Variants in SPINK5 observed in about 807,000 individuals in gnomAD.
SPINK5 encodes the protein serine protease inhibitor Kazal-type 5.
In SPINK5, 125 loss-of-function variants were observed where a neutral mutation model predicts 151.8. The ratio of observed to expected loss-of-function variants is 0.82; its 90% CI spans 0.71 to 0.96. The LOEUF (loss-of-function observed/expected upper bound fraction) is 0.96. Among genes scored for constraint, SPINK5 ranks in the 40% least tolerant of loss-of-function variants. The pLI is 0.00. For synonymous variants in SPINK5, 374 were observed against 395.3 expected (o/e 0.95, Z 0.64); for missense variants, 1,194 against 1,291.9 (o/e 0.92, Z 1.16).
intron 2 of SPINK5, among the ~76,000 whole-genome samples, chr5:148,067,038 C>T (rs967593013): frequency 2.6e-5 from 4 of 152,124 alleles, no homozygotes; most frequent in African/African-American, 7.2e-5. Context: ...TTCCTTTCAG[C>T]ATGATAAAAG....
chr5:148,089,166 A>G (rs867921228), intron 6 of SPINK5: 1 of 473,426 alleles, frequency 2.1e-6, no homozygotes. Context: ...GGTGACTTGC[A>G]CCAAGTCATT....
intron 20 of SPINK5, among the ~76,000 whole-genome samples, chr5:148,113,927 G>A (rs979226484): frequency 2.0e-5 from 3 of 152,128 alleles, no homozygotes; most frequent in African/African-American, 7.2e-5. Flanking sequence ...TTTAAGCAGA[G>A]CTAGGAGAAA....
chr5:148,134,109 C>T, intron 32 of SPINK5: 1 of 598,188 alleles, frequency 1.7e-6, no homozygotes, highest in East Asian at 3.2e-5. Flanking sequence ...TTTAATGGGT[C>T]CATTAATAGA....
intron 31 of SPINK5, among the ~76,000 whole-genome samples, chr5:148,131,908 G>A (rs562230785): frequency 6.6e-6 from 1 of 152,224 alleles, no homozygotes. Flanking sequence ...TAGCTGATCT[G>A]ATGTCTGCTC....
chr5:148,102,913 T>C (rs1418976193), intron 15 of SPINK5, among the ~76,000 whole-genome samples: 1 of 152,024 alleles, frequency 6.6e-6, no homozygotes, highest in Non-Finnish European at 1.5e-5. Context: ...GTGCCTAAAA[T>C]AGGTCTTTAG....
intron 4 of SPINK5, among the ~76,000 whole-genome samples, chr5:148,081,139 G>A (rs1753008493): frequency 6.6e-6 from 1 of 151,594 alleles, no homozygotes; most frequent in Non-Finnish European, 1.5e-5. Context: ...TAAGGGTGTG[G>A]AGAAACTGGA....
At position 148,107,043 on chromosome 5, in the gene SPINK5, T is replaced by G; in HGVS notation, c.1486T>G (p.Cys496Gly). The part of the protein sequence containing the change: ...KAKREAAKEI[C>G]SEFRDQVRNG... ...TATTTTCTTCATTTCCCAGGAAATCTGCAGTGAATTTCGGGACCAAGTGAG... is the reference window on the plus strand; with the variant it reads ...TATTTTCTTCATTTCCCAGGAAATCGGCAGTGAATTTCGGGACCAAGTGAG... Residue 496 changes from cysteine to glycine, a missense_variant, in exon 17 of 33, where the codon TGC becomes GGC. Coordinates refer to ENST00000256084, the MANE Select transcript of SPINK5 (RefSeq NM_006846.4). 6.2e-7 allele frequency: 1 copy of G among 1,612,618 alleles called. No homozygotes were observed. Among genetic ancestry groups the G allele is most frequent in the Non-Finnish European group, 8.5e-7 (1 of 1,179,056 alleles).
At chr5:148,103,724 AT>A (rs200840468) in intron 15 of SPINK5, among the ~76,000 whole-genome samples, 1 of 151,924 alleles carries the variant, frequency 6.6e-6, no homozygotes, top group Admixed American at 6.6e-5. Flanking sequence ...AAGGTGATTG[AT>A]TTTTTTTGAG....
intron 21 of SPINK5, among the ~76,000 whole-genome samples, chr5:148,115,896 A>G (rs1029924895): frequency 2.7e-5 from 4 of 147,886 alleles, no homozygotes; most frequent in African/African-American, 1.0e-4. Flanking sequence ...ATCTCAGCTC[A>G]CTGTAACTTC....
At chr5:148,098,619 A>C (rs898611775) in intron 11 of SPINK5, among the ~76,000 whole-genome samples, 1 of 152,034 alleles carries the variant, frequency 6.6e-6, no homozygotes, top group Admixed American at 6.6e-5. Flanking sequence ...CATTGTACAA[A>C]GCAAATTTAG....
rs1040455477 is a variant in SPINK5, at chr5:148,078,289, C to CA, written c.282+6075dup. ...TAATAGAGGCTCCAAATTTATATAACAAAAAATGCTATAATTAAAAGAAAT... is the reference window on the plus strand; with the variant it reads ...TAATAGAGGCTCCAAATTTATATAACAAAAAAATGCTATAATTAAAAGAAAT... On this transcript the variant is annotated intron_variant, in intron 4 of 32. Transcript: ENST00000256084. 5.6e-3 allele frequency among the ~76,000 whole-genome samples: 843 copies of CA among 150,618 alleles called. 15 individuals carry two copies. The highest frequency in any genetic ancestry group is 0.02 in the African/African-American group (811 of 41,226).
chr5:148,069,387 A>G lies in SPINK5; in HGVS notation c.82-936A>G, dbSNP rs1287235577. Among the ~76,000 whole-genome samples the G allele has an allele frequency of 2.6e-5, 4 of 151,986 alleles. No individual in the cohort carries two copies. The East Asian group carries it at 5.8e-4, about 22-fold the overall frequency. On this transcript the variant is annotated intron_variant, in intron 2 of 32. Coordinates refer to ENST00000256084, the MANE Select transcript of SPINK5 (RefSeq NM_006846.4). Reference sequence around the variant, plus strand: ...TCCTTAAACTTTGTATAACGGAGTTATTGGTATTTACAAAACCAAAAGCCC... The same window carrying G: ...TCCTTAAACTTTGTATAACGGAGTTGTTGGTATTTACAAAACCAAAAGCCC...
intron 8 of SPINK5, 118 bp from the exon 9 acceptor site, chr5:148,094,236 A>T: frequency 1.8e-6 from 2 of 1,137,020 alleles, no homozygotes; most frequent in Non-Finnish European, 2.6e-6. Context: ...TAGAGGCTTC[A>T]CTGAGCTATG....
At chr5:148,081,655 A>G (rs779454653) in intron 4 of SPINK5, among the ~76,000 whole-genome samples, 3 of 151,680 alleles carry the variant, frequency 2.0e-5, no homozygotes, top group Non-Finnish European at 4.4e-5. Flanking sequence ...GGAATCTCGT[A>G]GGGTGATGAA....
chr5:148,137,137 T>C lies in SPINK5; in HGVS notation c.*146T>C, dbSNP rs928119022. On this transcript the variant is annotated 3_prime_UTR_variant, in exon 33 of 33. Coordinates refer to ENST00000256084, the MANE Select transcript of SPINK5 (RefSeq NM_006846.4). Reference sequence around the variant, plus strand: ...ACAGAGCTTTTGGGAATGGACTCACTGATTTTCAGTCTTTTCCATCTCTTT... The same window carrying C: ...ACAGAGCTTTTGGGAATGGACTCACCGATTTTCAGTCTTTTCCATCTCTTT... 48 of 1,041,466 alleles carry C rather than the reference T, an allele frequency of 4.6e-5. No homozygotes were observed. Among genetic ancestry groups the C allele is most frequent in the Admixed American group, 7.3e-5 (4 of 54,620 alleles). The allele number at this position is 1,041,466 out of a possible 1,614,324, so 64.5% of individuals were successfully genotyped here.
chr5:148,122,078 C>T (rs539655737), intron 26 of SPINK5, among the ~76,000 whole-genome samples: 1 of 151,426 alleles, frequency 6.6e-6, no homozygotes, highest in African/African-American at 2.4e-5. Flanking sequence ...TAAGGTTTAC[C>T]AATAATTATA....
chr5:148,096,752 C>CTT (rs775398655), intron 10 of SPINK5, among the ~76,000 whole-genome samples: 10 of 130,124 alleles, frequency 7.7e-5, no homozygotes, highest in East Asian at 6.5e-4. Flanking sequence ...CTTTTCTTTT[C>CTT]TTTTTTTTTT....
At chr5:148,066,331 C>A (rs1391302396) in intron 2 of SPINK5, among the ~76,000 whole-genome samples, 1 of 152,148 alleles carries the variant, frequency 6.6e-6, no homozygotes, top group Non-Finnish European at 1.5e-5. Context: ...TATATACACA[C>A]ACACTGCTAT....
rs565975408 is a variant in SPINK5 at position 148,108,992 on chromosome 5, C to T, written c.1692+155C>T. 1.5e-3 allele frequency among the ~76,000 whole-genome samples: 232 copies of T among 152,246 alleles called. 1 individual carries two copies. Among genetic ancestry groups the T allele is most frequent in the Middle Eastern group, 3.4e-3 (1 of 294 alleles). ...CCCATATACAAGAGTACTCCCCTTT[C>T]CTTATTCAATTTATTCACATTAAAT... On this transcript the variant is annotated intron_variant, in intron 18 of 32. Transcript: ENST00000256084.
Sources: gnomAD v4.1 joint callset for allele counts (sites outside exome capture counted in the v4.1 genomes callset) on GRCh38, gnomAD v4.1.1 for gene constraint, MANE v1.5 for transcripts, NCBI Gene and HGNC (gene_info 2026-07-23, HGNC 2026-07-21) for gene names.